SHISAL2B: variants seen among roughly 807,000 people sequenced by gnomAD.
The protein encoded by SHISAL2B is protein shisa-like-2B.
SHISAL2B carries 12 observed loss-of-function variants against 16.5 expected under a neutral mutation model. The observed-to-expected ratio is 0.73, with a 90% CI of 0.47 to 1.18. The LOEUF (loss-of-function observed/expected upper bound fraction) is 1.18. Among genes scored for constraint, SHISAL2B ranks in the 50% most tolerant of loss-of-function variants. The pLI is 0.00. For synonymous variants in SHISAL2B, 72 were observed against 75.0 expected (o/e 0.96, Z 0.21); for missense variants, 183 against 193.6 (o/e 0.95, Z 0.33).
chr5:64,709,140 A>C (rs1741915398), intron 2 of SHISAL2B, among the ~76,000 whole-genome samples: 2 of 140,660 alleles, frequency 1.4e-5, no homozygotes, highest in African/African-American at 2.8e-5. Flanking sequence ...GCACCCACTA[A>C]CTCGTCATCT....
chr5:64,692,206 A>G (rs1259085318), intron 1 of SHISAL2B, among the ~76,000 whole-genome samples: 1 of 152,224 alleles, frequency 6.6e-6, no homozygotes, highest in Non-Finnish European at 1.5e-5. Flanking sequence ...TGGAGGCGTT[A>G]CTAATGGCAG....
intron 2 of SHISAL2B, among the ~76,000 whole-genome samples, chr5:64,714,959 G>T (rs1429336306): frequency 1.3e-5 from 2 of 152,146 alleles, no homozygotes; most frequent in Non-Finnish European, 2.9e-5. Context: ...CTAGTGAGAT[G>T]AACCCGGTAC....
chr5:64,699,414 C>T (rs969490857), intron 2 of SHISAL2B, among the ~76,000 whole-genome samples: 2 of 152,076 alleles, frequency 1.3e-5, no homozygotes, highest in African/African-American at 4.8e-5. Context: ...ATTGCTGTAC[C>T]CTTCGTTAAA....
chr5:64,708,543 A>C (rs1741904714), intron 2 of SHISAL2B, among the ~76,000 whole-genome samples: 1 of 152,194 alleles, frequency 6.6e-6, no homozygotes, highest in African/African-American at 2.4e-5. Context: ...CTATCTTTCA[A>C]AATCTTAAAA....
At chr5:64,702,389 G>A (rs988930006) in intron 2 of SHISAL2B, among the ~76,000 whole-genome samples, 3 of 152,144 alleles carry the variant, frequency 2.0e-5, no homozygotes, top group African/African-American at 7.2e-5. Flanking sequence ...TAGTAGAGAT[G>A]GGGTTTCTCT....
At chr5:64,711,030 T>C (rs1158474000) in intron 2 of SHISAL2B, among the ~76,000 whole-genome samples, 1 of 142,604 alleles carries the variant, frequency 7.0e-6, no homozygotes, top group Non-Finnish European at 1.5e-5. Flanking sequence ...ACCTTTTATT[T>C]CCTTCTCCTG....
chr5:64,695,544 G>A lies in SHISAL2B; in HGVS notation c.229G>A (p.Val77Ile), dbSNP rs574012886. The A allele has an allele frequency of 2.0e-6, 3 of 1,535,832 alleles. No individual in the cohort carries two copies. Among genetic ancestry groups the A allele is most frequent in the Admixed American group, 2.0e-5 (1 of 50,742 alleles). The change falls in exon 2 of 3, where the codon GTT (valine) becomes ATT (isoleucine). Residue 77 changes from valine (V) to isoleucine (I), a missense_variant. By Grantham distance (29) the Val-to-Ile change is conservative. Transcript: ENST00000389074. ...ALIGLGIAALVLLAFVISVCV... is the reference protein window; with the variant it reads ...ALIGLGIAALILLAFVISVCV... Reference sequence around the variant, plus strand: ...GATTGGACTAGGAATTGCTGCCCTTGTTTTACTCGCCTTTGTCATCAGTGT... The same window carrying A: ...GATTGGACTAGGAATTGCTGCCCTTATTTTACTCGCCTTTGTCATCAGTGT...
intron 2 of SHISAL2B, among the ~76,000 whole-genome samples, chr5:64,702,242 C>T (rs927596890): frequency 1.3e-5 from 2 of 151,842 alleles, no homozygotes; most frequent in African/African-American, 4.8e-5. Context: ...CTCTTGTCGG[C>T]CAGGCTGGAG....
At chr5:64,712,480 A>C (rs1741973371) in intron 2 of SHISAL2B, among the ~76,000 whole-genome samples, 1 of 151,324 alleles carries the variant, frequency 6.6e-6, no homozygotes, top group Admixed American at 6.6e-5. Context: ...ATTTTGGAAT[A>C]GGTGTGGTGT....
chr5:64,706,807 G>C lies in SHISAL2B; in HGVS notation c.350-11082G>C, dbSNP rs550637215. On this transcript the variant is annotated intron_variant, in intron 2 of 2. Transcript: ENST00000389074. ...GCTGTTATTTTCTTCTAAAGCTTAA[G>C]TTGTCTAGCTTCAGTTTGCAGGGCT... Among the ~76,000 whole-genome samples, 5 of 152,250 alleles carry C rather than the reference G, an allele frequency of 3.3e-5. No individual in the cohort carries two copies. The East Asian group carries it at 9.6e-4, about 29-fold the overall frequency.
At chr5:64,693,121 C>T (rs796824528) in intron 1 of SHISAL2B, among the ~76,000 whole-genome samples, 2 of 152,134 alleles carry the variant, frequency 1.3e-5, no homozygotes, top group African/African-American at 2.4e-5. Context: ...CATTCTCCTG[C>T]CTCAGCCTCC....
chr5:64,693,571 C>A (rs1006218295), intron 1 of SHISAL2B, among the ~76,000 whole-genome samples: 2 of 152,156 alleles, frequency 1.3e-5, no homozygotes, highest in African/African-American at 4.8e-5. Flanking sequence ...TTTGAAGAAT[C>A]TTTCCAGATG....
chr5:64,699,474 G>T (rs1741780059), intron 2 of SHISAL2B, among the ~76,000 whole-genome samples: 1 of 152,216 alleles, frequency 6.6e-6, no homozygotes, highest in African/African-American at 2.4e-5. Flanking sequence ...GGATGCCAGT[G>T]TTCTAGCTAT....
chr5:64,703,572 A>G (rs1741838364), intron 2 of SHISAL2B, among the ~76,000 whole-genome samples: 1 of 152,206 alleles, frequency 6.6e-6, no homozygotes, highest in Non-Finnish European at 1.5e-5. Context: ...GTTCAAACCA[A>G]TAAGCAAAAT....
intron 2 of SHISAL2B, among the ~76,000 whole-genome samples, chr5:64,704,820 A>G (rs1006039375): frequency 5.9e-5 from 9 of 152,122 alleles, no homozygotes; most frequent in Non-Finnish European, 1.3e-4. Context: ...TTCTCTTTTA[A>G]AATTATCCCA....
Position 64,717,887 on chromosome 5 carries a change from A to AG in SHISAL2B, c.350dup. 6.6e-7 allele frequency: 1 copy of AG among 1,507,672 alleles called. No homozygotes were observed. The highest frequency in any genetic ancestry group is 8.8e-7 in the Non-Finnish European group (1 of 1,140,174). 93.4% of individuals were successfully genotyped at this position (1,507,672 alleles called of 1,614,324 possible). A position where few individuals can be genotyped will look rare whatever the true frequency, so the allele number is the denominator to read the frequency against. ...TAATTATTTTGTTTTGTGTATCTGCAGGCAAGTCAAATGGAAAAACCAAAG... is the reference window on the plus strand; with the variant it reads ...TAATTATTTTGTTTTGTGTATCTGCAGGGCAAGTCAAATGGAAAAACCAAAG... On this transcript the variant is annotated splice_acceptor_variant, in intron 2 of 2. Transcript: ENST00000389074. LOFTEE classifies it high-confidence loss of function.
intron 2 of SHISAL2B, among the ~76,000 whole-genome samples, chr5:64,703,763 A>G (rs1741842058): frequency 6.6e-6 from 1 of 152,154 alleles, no homozygotes; most frequent in Admixed American, 6.5e-5. Flanking sequence ...AACTGCCTCC[A>G]CTCATTAATG....
intron 2 of SHISAL2B, among the ~76,000 whole-genome samples, chr5:64,714,701 G>A (rs560654384): frequency 2.6e-5 from 4 of 152,298 alleles, no homozygotes; most frequent in African/African-American, 4.8e-5. Context: ...GATTCCGTGG[G>A]CGTAGGACCC....
chr5:64,702,372 G>A (rs1356797457), intron 2 of SHISAL2B, among the ~76,000 whole-genome samples: 1 of 152,024 alleles, frequency 6.6e-6, no homozygotes, highest in Admixed American at 6.6e-5. Flanking sequence ...GGCTAATTTT[G>A]TATTTTTAGT....
Sources: gnomAD v4.1 joint callset for allele counts (sites outside exome capture counted in the v4.1 genomes callset) on GRCh38, gnomAD v4.1.1 for gene constraint, MANE v1.5 for transcripts, NCBI Gene and HGNC (gene_info 2026-07-23, HGNC 2026-07-21) for gene names.